AOX1: variants seen among roughly 807,000 people sequenced by gnomAD.
AOX1 encodes aldehyde oxidase 1, also known as aldehyde oxidase.
AOX1 carries 153 observed loss-of-function variants against 169.5 expected under a neutral mutation model. That is an observed-to-expected ratio of 0.90 (90% CI 0.79 to 1.03). The LOEUF (loss-of-function observed/expected upper bound fraction) is 1.03, where lower values mean the gene tolerates loss of function less well. AOX1 is among the 50% of genes least tolerant of loss of function. The pLI is 0.00. For synonymous variants in AOX1, 562 were observed against 581.9 expected, an observed-to-expected ratio of 0.97 and a Z score of 0.49; for missense variants, 1,656 against 1,663.9, an observed-to-expected ratio of 1.00 and a Z score of 0.08.
chr2:200,636,117 CTTTTTTTTTTTTTT>C (rs765127387), intron 21 of AOX1, among the ~76,000 whole-genome samples: 2 of 53,954 alleles, frequency 3.7e-5, no homozygotes, highest in Non-Finnish European at 6.6e-5. Flanking sequence ...GTGAGAAGTG[CTTTTTTTTTTTTTT>C]TTTTTTTTTT....
downstream of AOX1, among the ~76,000 whole-genome samples, chr2:200,681,714 CAT>C (rs921238361): frequency 1.4e-4 from 22 of 152,214 alleles, no homozygotes; most frequent in African/African-American, 4.8e-4. Flanking sequence ...CAATTTTCCA[CAT>C]GACTGTTACA....
rs1475976051 is a variant in AOX1 at position 200,613,838 on chromosome 2, A to G, written c.1483A>G (p.Arg495Gly). The change falls in exon 15 of 35, where the codon AGG becomes GGG. Residue 495 changes from arginine (R) to glycine (G), a missense_variant. By Grantham distance (125) the Arg-to-Gly change is moderately radical. Transcript: ENST00000374700. ...CGAACAGATGCTGGATATAGCCTGC[A>G]GGCTTATTCTGAATGAAGTCTCCCT... ...WNEQMLDIAC[R>G]LILNEVSLLG... is the part of the protein sequence containing the mutation. The G allele has an allele frequency of 6.8e-6, 11 of 1,612,428 alleles. No homozygotes were observed. In the African/African-American group the frequency reaches 1.3e-4, roughly 20 times the overall value.
intron 5 of AOX1, 43 bp from the exon 6 acceptor site, chr2:200,602,241 A>G (rs779354298): frequency 8.3e-6 from 13 of 1,571,752 alleles, no homozygotes; most frequent in Middle Eastern, 1.7e-4. Flanking sequence ...CTGTGCCTCT[A>G]TCTGGGTCAC....
At position 200,671,333 on chromosome 2, in the gene AOX1, G is replaced by A. The variant is rs1323616092; in HGVS notation, c.*654G>A. 1 of 152,134 alleles carries A rather than the reference G, an allele frequency of 6.6e-6. No individual in the cohort carries two copies. Among genetic ancestry groups the A allele is most frequent in the Admixed American group, 6.5e-5 (1 of 15,272 alleles). 9.4% of individuals were successfully genotyped at this position (152,134 alleles called of 1,614,324 possible). ...AAGAGCTCTTACAACTCAATAAAAG[G>A]CAAGTAATTTAAAAATAGGCAAAAG... On this transcript the variant is annotated 3_prime_UTR_variant, in exon 35 of 35. Transcript: ENST00000374700.
chr2:200,590,555 C>G (rs1207536463), intron 1 of AOX1, among the ~76,000 whole-genome samples: 1 of 152,064 alleles, frequency 6.6e-6, no homozygotes, highest in African/African-American at 2.4e-5. Context: ...ACAACCCTCA[C>G]TACATCAAAA....
At chr2:200,663,545 A>AACAC (rs530782102) in intron 31 of AOX1, among the ~76,000 whole-genome samples, 20,504 of 117,458 alleles carry the variant, frequency 0.17, 1,379 homozygotes, top group East Asian at 0.29. Context: ...CATACACACA[A>AACAC]ACACACACAC....
intron 25 of AOX1, 151 bp from the exon 26 acceptor site, chr2:200,650,823 G>A (rs2035564332): frequency 3.1e-6 from 2 of 643,392 alleles, no homozygotes; most frequent in Admixed American, 2.8e-5. Context: ...AGAGGACAAT[G>A]TTGTGCATTA....
chr2:200,627,574 A>C, intron 20 of AOX1, 125 bp downstream of exon 20: 1 of 660,156 alleles, frequency 1.5e-6, no homozygotes, highest in Non-Finnish European at 2.6e-6. Flanking sequence ...AACAGGCAGA[A>C]CAGGCACCTC....
chr2:200,673,481 A>G (rs2036054878), downstream of AOX1, among the ~76,000 whole-genome samples: 1 of 152,162 alleles, frequency 6.6e-6, no homozygotes, highest in Non-Finnish European at 1.5e-5. Flanking sequence ...CAGTTCCTGA[A>G]TCTGCCTCTC....
chr2:200,672,622 C>G (rs2036045143), downstream of AOX1, among the ~76,000 whole-genome samples: 2 of 152,140 alleles, frequency 1.3e-5, no homozygotes, highest in Non-Finnish European at 2.9e-5. Context: ...TTGGGAAGAT[C>G]CTATTTTGGT....
At chr2:200,662,573 AG>A (rs1202022262) in intron 30 of AOX1, among the ~76,000 whole-genome samples, 1 of 152,236 alleles carries the variant, frequency 6.6e-6, no homozygotes, top group African/African-American at 2.4e-5. Context: ...ATTAGCCAAA[AG>A]CAGTAAGATG....
chr2:200,638,074 C>A, intron 22 of AOX1, 141 bp from the exon 23 acceptor site: 1 of 667,602 alleles, frequency 1.5e-6, no homozygotes, highest in Non-Finnish European at 2.6e-6. Context: ...CTGAGATCAG[C>A]AGAGGATAGG....
chr2:200,658,058 C>T (rs1043809784), intron 27 of AOX1, among the ~76,000 whole-genome samples: 1 of 152,190 alleles, frequency 6.6e-6, no homozygotes, highest in African/African-American at 2.4e-5. Flanking sequence ...AACCATCCCC[C>T]AGTTGTTTGA....
chr2:200,599,045 C>G (rs1215677392), intron 4 of AOX1, among the ~76,000 whole-genome samples: 1 of 152,102 alleles, frequency 6.6e-6, no homozygotes, highest in Non-Finnish European at 1.5e-5. Flanking sequence ...TGCGGAACTC[C>G]CATTGTTACA....
intron 6 of AOX1, among the ~76,000 whole-genome samples, chr2:200,602,680 C>A (rs1044582996): frequency 2.6e-5 from 4 of 152,114 alleles, no homozygotes; most frequent in Admixed American, 6.5e-5. Context: ...ATACACATGT[C>A]CCGTCACAGC....
At chr2:200,661,869 G>A (rs1574961747) in intron 30 of AOX1, among the ~76,000 whole-genome samples, 1 of 152,166 alleles carries the variant, frequency 6.6e-6, no homozygotes, top group African/African-American at 2.4e-5. Context: ...CTTAACTGAT[G>A]ATTCTAATCA....
At chr2:200,608,471 A>G (rs1217246960) in intron 10 of AOX1, among the ~76,000 whole-genome samples, 1 of 152,218 alleles carries the variant, frequency 6.6e-6, no homozygotes, top group Non-Finnish European at 1.5e-5. Flanking sequence ...ATAAGAAGCA[A>G]TAGAAATGTG....
chr2:200,605,515 T>G (rs1258105383), intron 9 of AOX1, 21 bp from the exon 10 acceptor site: 1 of 942,010 alleles, frequency 1.1e-6, no homozygotes, highest in Non-Finnish European at 1.4e-6. Flanking sequence ...TATTGATTTT[T>G]TTTTTTTTTT....
intron 1 of AOX1, among the ~76,000 whole-genome samples, chr2:200,589,842 C>A (rs1398109919): frequency 6.6e-6 from 1 of 152,142 alleles, no homozygotes; most frequent in East Asian, 1.9e-4. Context: ...CTCTAAGGTT[C>A]TTGGTTTACA....
Sources: gnomAD v4.1 joint callset for allele counts (sites outside exome capture counted in the v4.1 genomes callset) on GRCh38, gnomAD v4.1.1 for gene constraint, MANE v1.5 for transcripts, NCBI Gene and HGNC (gene_info 2026-07-23, HGNC 2026-07-21) for gene names.